Variants in FAM163A observed in about 807,000 individuals in gnomAD.
FAM163A encodes the protein protein FAM163A.
A neutral mutation model predicts 12.0 loss-of-function variants in FAM163A; 7 were observed. The observed-to-expected ratio is 0.58, with a 90% CI of 0.33 to 1.10. FAM163A has a LOEUF of 1.10. FAM163A is among the 50% of genes least tolerant of loss of function. FAM163A has a pLI of 0.03. For synonymous variants in FAM163A, 101 were observed against 91.0 expected, an observed-to-expected ratio of 1.11 and a Z score of -0.62; for missense variants, 202 against 218.6, an observed-to-expected ratio of 0.92 and a Z score of 0.48.
chr1:179,736,572 G>A, the FAM163A span, among the ~76,000 whole-genome samples: 27 of 152,174 alleles, frequency 1.8e-4, no homozygotes, highest in Admixed American at 1.8e-3. Flanking sequence ...CACTTTGGAA[G>A]GCCAAGGCGG....
At chr1:179,807,986 A>G (rs1404256038) in intron 2 of FAM163A, 98 bp downstream of exon 2, 4 of 152,504 alleles carry the variant, frequency 2.6e-5, no homozygotes, top group Admixed American at 6.5e-5. Context: ...CACAGAGGGA[A>G]GGCCCTTAGG....
chr1:179,798,085 C>A (rs548574359), intron 1 of FAM163A, among the ~76,000 whole-genome samples: 1 of 152,212 alleles, frequency 6.6e-6, no homozygotes, highest in East Asian at 1.9e-4. Flanking sequence ...CAAAAACTAG[C>A]CAGGCATGGT....
chr1:179,743,376 G>A lies in FAM163A; in HGVS notation c.-183G>A, dbSNP rs986619232. 4 of 152,342 alleles carry A rather than the reference G, an allele frequency of 2.6e-5. No individual in the cohort carries two copies. Among genetic ancestry groups the A allele is most frequent in the Non-Finnish European group, 5.9e-5 (4 of 68,142 alleles). The allele number at this position is 152,342 out of a possible 1,614,324, so 9.4% of individuals were successfully genotyped here. ...CCGGAAGGACGCGCTGCGACCCCGT[G>A]GGAGCCGAACGCGGGAGTCGCTGCC... On this transcript the variant is annotated 5_prime_UTR_variant, in exon 1 of 5. Transcript: ENST00000341785.
At chr1:179,781,106 G>A (rs1238919942) in intron 1 of FAM163A, among the ~76,000 whole-genome samples, 3 of 152,178 alleles carry the variant, frequency 2.0e-5, no homozygotes, top group East Asian at 1.9e-4. Context: ...GGGCTTAACC[G>A]AGAGTGAAAG....
intron 1 of FAM163A, among the ~76,000 whole-genome samples, chr1:179,800,863 C>A (rs531366078): frequency 5.9e-5 from 9 of 152,242 alleles, no homozygotes; most frequent in Admixed American, 2.6e-4. Context: ...AAGGATGGAA[C>A]GGAAGAGAAG....
the FAM163A span, among the ~76,000 whole-genome samples, chr1:179,733,233 A>G: frequency 2.3e-5 from 2 of 85,530 alleles, no homozygotes; most frequent in Admixed American, 1.5e-4. Context: ...ACTAAGGCTT[A>G]GAAAGATTAA....
At chr1:179,799,163 T>C (rs1013370162) in intron 1 of FAM163A, among the ~76,000 whole-genome samples, 3 of 151,510 alleles carry the variant, frequency 2.0e-5, no homozygotes, top group Non-Finnish European at 4.4e-5. Context: ...ACAAGCCCTA[T>C]AGATGCTTCT....
chr1:179,799,977 G>T (rs1399296099), intron 1 of FAM163A, among the ~76,000 whole-genome samples: 1 of 152,228 alleles, frequency 6.6e-6, no homozygotes, highest in Non-Finnish European at 1.5e-5. Flanking sequence ...GTGACACTCT[G>T]CAGCAGAGAC....
upstream of FAM163A, among the ~76,000 whole-genome samples, chr1:179,738,443 T>C (rs1255240580): frequency 6.6e-6 from 1 of 152,198 alleles, no homozygotes; most frequent in African/African-American, 2.4e-5. Flanking sequence ...TTTGTATCAA[T>C]TATACCTCAA....
At chr1:179,781,512 A>G (rs10913887) in intron 1 of FAM163A, among the ~76,000 whole-genome samples, 79,160 of 151,624 alleles carry the variant, frequency 0.52, 21,420 homozygotes, top group East Asian at 0.88. Context: ...ATTAGTACAT[A>G]CTTGGACTAT....
chr1:179,746,758 G>C (rs1024916316), intron 1 of FAM163A, among the ~76,000 whole-genome samples: 1 of 152,088 alleles, frequency 6.6e-6, no homozygotes, highest in Non-Finnish European at 1.5e-5. Flanking sequence ...GTGGGGTGAC[G>C]TACCCCACCC....
At chr1:179,729,631 T>C in the FAM163A span, among the ~76,000 whole-genome samples, 1 of 152,224 alleles carries the variant, frequency 6.6e-6, no homozygotes, top group Non-Finnish European at 1.5e-5. Flanking sequence ...GTTTTACAAA[T>C]GAATCTAGCT....
intron 1 of FAM163A, among the ~76,000 whole-genome samples, chr1:179,794,173 A>T: frequency 6.6e-6 from 1 of 152,200 alleles, no homozygotes; most frequent in East Asian, 1.9e-4. Context: ...CTGCCTCCCT[A>T]GCCCATCAAT....
intron 1 of FAM163A, among the ~76,000 whole-genome samples, chr1:179,779,405 G>T (rs957428755): frequency 3.9e-5 from 6 of 152,146 alleles, no homozygotes; most frequent in Admixed American, 1.3e-4. Flanking sequence ...CCTTGGAAGA[G>T]CCTCCCTGGC....
At chr1:179,733,398 A>G in the FAM163A span, among the ~76,000 whole-genome samples, 1 of 152,214 alleles carries the variant, frequency 6.6e-6, no homozygotes, top group Non-Finnish European at 1.5e-5. Context: ...AGAAATGACT[A>G]TAAAACACAA....
chr1:179,813,012 T>TCCC, intron 3 of FAM163A, 64 bp from the exon 4 acceptor site: 1 of 1,463,630 alleles, frequency 6.8e-7, no homozygotes, highest in Non-Finnish European at 9.3e-7. Flanking sequence ...CCAGGAAGAC[T>TCCC]CCCCCCGGCC....
chr1:179,761,413 AG>A lies in FAM163A; in HGVS notation c.-136+17991del, dbSNP rs1686797595. Among the ~76,000 whole-genome samples, 7 of 152,358 alleles carry A rather than the reference AG, an allele frequency of 4.6e-5. No individual in the cohort carries two copies. The South Asian group carries it at 1.4e-3, about 32-fold the overall frequency. On this transcript the variant is annotated intron_variant, in intron 1 of 4. Coordinates refer to ENST00000341785, the MANE Select transcript of FAM163A (RefSeq NM_173509.3). ...CGTGACTGCACATTGTAGACACAGC[AG>A]TCTTTTTCTCCAGGAGGACTGCAAG...
chr1:179,734,452 TAATACC>T, the FAM163A span, among the ~76,000 whole-genome samples: 1 of 152,204 alleles, frequency 6.6e-6, no homozygotes, highest in African/African-American at 2.4e-5. Context: ...GCTGCCATAA[TAATACC>T]AATCAATAAA....
At position 179,811,700 on chromosome 1, in the gene FAM163A, C is replaced by A. The variant is rs184523435; in HGVS notation, c.-44-410C>A. Among the ~76,000 whole-genome samples the A allele has an allele frequency of 2.7e-3, 406 of 152,306 alleles. 2 individuals carry two copies. Among genetic ancestry groups the A allele is most frequent in the African/African-American group, 8.9e-3 (368 of 41,558 alleles). The stretch of plus-strand genomic sequence containing the variant: ...AAGGCACCCCCTTTTACCTGGTGAA[C>A]ACACCAGGGTGCATAGCTTTGTGAG... On this transcript the variant is annotated intron_variant, in intron 2 of 4. Transcript: ENST00000341785.
Sources: gnomAD v4.1 joint callset for allele counts (sites outside exome capture counted in the v4.1 genomes callset) on GRCh38, gnomAD v4.1.1 for gene constraint, MANE v1.5 for transcripts, NCBI Gene and HGNC (gene_info 2026-07-23, HGNC 2026-07-21) for gene names.